Variants in EEF1AKMT4 observed in about 807,000 individuals in gnomAD.
The protein encoded by EEF1AKMT4 is eukaryotic translation elongation factor 1 alpha lysine specific methyltransferase 4.
EEF1AKMT4 carries 17 observed loss-of-function variants against 23.0 expected under a neutral mutation model. The observed-to-expected ratio is 0.74, with a 90% CI of 0.51 to 1.11. EEF1AKMT4 has a LOEUF of 1.11. EEF1AKMT4 is among the 50% of genes least tolerant of loss of function. EEF1AKMT4 has a pLI of 0.00. For synonymous variants in EEF1AKMT4, 140 were observed against 141.4 expected (o/e 0.99, Z 0.07); for missense variants, 318 against 333.4 (o/e 0.95, Z 0.36).
chr3:184,254,586 G>A (rs1334098929), intron 1 of EEF1AKMT4, among the ~76,000 whole-genome samples: 76 of 150,750 alleles, frequency 5.0e-4, no homozygotes, highest in African/African-American at 1.7e-3. Context: ...GGTGGCGGGC[G>A]CCTGTAGTCC....
At chr3:184,251,280 CACA>C (rs955819924) in intron 1 of EEF1AKMT4, among the ~76,000 whole-genome samples, 29 of 152,092 alleles carry the variant, frequency 1.9e-4, no homozygotes, top group African/African-American at 6.5e-4. Flanking sequence ...TGCTTGTAAT[CACA>C]ACACTTTGGG....
At chr3:184,250,647 G>T (rs1205267568) in intron 1 of EEF1AKMT4, among the ~76,000 whole-genome samples, 1 of 152,144 alleles carries the variant, frequency 6.6e-6, no homozygotes, top group Non-Finnish European at 1.5e-5. Flanking sequence ...GCCTTTGTAT[G>T]TTTAAGTGAA....
intron 1 of EEF1AKMT4, among the ~76,000 whole-genome samples, chr3:184,254,900 G>C (rs1261254742): frequency 2.0e-5 from 3 of 152,154 alleles, no homozygotes; most frequent in Non-Finnish European, 2.9e-5. Context: ...CTTGGATATG[G>C]ATCAATTCTC....
At chr3:184,250,701 T>C (rs1367853374) in intron 1 of EEF1AKMT4, among the ~76,000 whole-genome samples, 1 of 152,210 alleles carries the variant, frequency 6.6e-6, no homozygotes, top group Non-Finnish European at 1.5e-5. Flanking sequence ...ATATGTAAGG[T>C]ATAAATAACA....
Position 184,249,842 on chromosome 3 carries a change from G to A in EEF1AKMT4, c.148G>A (p.Ala50Thr), listed in dbSNP as rs376418932. The A allele has an allele frequency of 1.9e-6, 3 of 1,613,174 alleles. No homozygotes were observed. The highest frequency in any genetic ancestry group is 2.5e-6 in the Non-Finnish European group (3 of 1,179,982). Residue 50 changes from alanine (A) to threonine (T), a missense_variant, in exon 1 of 3, where the codon GCC (alanine) becomes ACC (threonine). Coordinates refer to ENST00000324557, the MANE Select transcript of EEF1AKMT4 (RefSeq NM_032331.4). ...DWFGDFSSFRALLEPELRPED... is the reference protein window; with the variant it reads ...DWFGDFSSFRTLLEPELRPED... ...GTTCGGGGACTTCTCCTCCTTCCGT[G>A]CCCTCCTAGAGCCGGAGCTGCGGCC...
intron 2 of EEF1AKMT4, among the ~76,000 whole-genome samples, 200 bp from the exon 3 acceptor site, chr3:184,258,088 C>T (rs1405027559): frequency 6.6e-6 from 1 of 152,112 alleles, no homozygotes; most frequent in Admixed American, 6.5e-5. Context: ...ACTCCTATAC[C>T]CTTCCCTGAA....
chr3:184,250,756 A>G (rs1490511320), intron 1 of EEF1AKMT4, among the ~76,000 whole-genome samples: 1 of 152,272 alleles, frequency 6.6e-6, no homozygotes, highest in African/African-American at 2.4e-5. Context: ...GAAATAGAAC[A>G]TTACTAGGGA....
In EEF1AKMT4 at chr3:184,258,512, C is replaced by T. The variant is rs750347893; in HGVS notation, c.705C>T (p.Pro235=). 1.5e-5 allele frequency: 24 copies of T among 1,612,692 alleles called. No individual in the cohort carries two copies. In the East Asian group the frequency reaches 4.9e-4, roughly 33 times the overall value. ...GAQILSPPRP[P]TSPCFLQDSD... ...AAATCCTCTCACCCCCCAGACCTCC[C>T]ACCTCACCTTGCTTCCTTCAGGACT... is the stretch of plus-strand genomic sequence containing the variant. The change falls in exon 3 of 3, where the codon CCC becomes CCT. Residue 235 remains proline, a synonymous_variant. Coordinates refer to ENST00000324557, the MANE Select transcript of EEF1AKMT4 (RefSeq NM_032331.4).
Position 184,257,620 on chromosome 3 carries a change from G to A in EEF1AKMT4, c.344G>A (p.Arg115Gln), listed in dbSNP as rs148306373. ...PQLRWETMDV[R>Q]KLDFPSASFD... ...CTGCGCTGGGAGACCATGGATGTGC[G>A]GAAGCTGGACTTCCCCAGTGCTTCT... The change falls in exon 2 of 3, where the codon CGG becomes CAG. Residue 115 changes from arginine (R) to glutamine (Q), a missense_variant. By Grantham distance (43) the Arg-to-Gln change is conservative. Transcript: ENST00000324557. The A allele has an allele frequency of 1.8e-4, 297 of 1,614,160 alleles. No homozygotes were observed. The Middle Eastern group carries it at 5.8e-3, about 31-fold the overall frequency.
intron 1 of EEF1AKMT4, among the ~76,000 whole-genome samples, chr3:184,256,272 C>CAGAAAAAAAAAAAAAA (rs1323118764): frequency 1.3e-4 from 7 of 54,184 alleles, no homozygotes; most frequent in African/African-American, 4.6e-4. Flanking sequence ...AACTCCATCT[C>CAGAAAAAAAAAAAAAA]AAAAAAAAAA....
intron 1 of EEF1AKMT4, among the ~76,000 whole-genome samples, chr3:184,256,689 A>G (rs1322973574): frequency 6.7e-6 from 1 of 149,046 alleles, no homozygotes; most frequent in South Asian, 2.1e-4. Flanking sequence ...TCTTTTTTTG[A>G]GACGGAGTTT....
intron 1 of EEF1AKMT4, among the ~76,000 whole-genome samples, chr3:184,255,904 C>T (rs1456544186): frequency 6.6e-6 from 1 of 152,220 alleles, no homozygotes; most frequent in Admixed American, 6.5e-5. Flanking sequence ...TCTGATGACA[C>T]ATTTGTTCCT....
In EEF1AKMT4 at chr3:184,258,313, G is replaced by A. The variant is rs1719904438; in HGVS notation, c.506G>A (p.Gly169Asp). 1.2e-6 allele frequency: 2 copies of A among 1,612,762 alleles called. No homozygotes were observed. Among genetic ancestry groups the A allele is most frequent in the Non-Finnish European group, 8.5e-7 (1 of 1,179,316 alleles). The change falls in exon 3 of 3, where the codon GGC becomes GAC. Residue 169 changes from glycine to aspartate, a missense_variant. Gly to Asp is a moderately conservative substitution (Grantham distance 94). Coordinates refer to ENST00000324557, the MANE Select transcript of EEF1AKMT4 (RefSeq NM_032331.4). ...SEVSRVLVPG[G>D]RFISMTSAAP... ...GTGAGCCGCGTGCTTGTCCCTGGAG[G>A]CCGGTTTATCTCAATGACTTCTGCT...
At chr3:184,256,762 C>T (rs1170432538) in intron 1 of EEF1AKMT4, among the ~76,000 whole-genome samples, 1 of 151,786 alleles carries the variant, frequency 6.6e-6, no homozygotes, top group Non-Finnish European at 1.5e-5. Context: ...TCTCCGCCTC[C>T]CGGGTTCAAG....
chr3:184,258,377 T>C lies in EEF1AKMT4; in HGVS notation c.570T>C (p.Tyr190=), dbSNP rs770818234. 2 of 1,613,898 alleles carry C rather than the reference T, an allele frequency of 1.2e-6. No individual in the cohort carries two copies. Among genetic ancestry groups the C allele is most frequent in the South Asian group, 2.2e-5 (2 of 91,072 alleles). The change falls in exon 3 of 3, where the codon TAT becomes TAC. Residue 190 remains tyrosine (Y), a synonymous_variant. Coordinates refer to ENST00000324557, the MANE Select transcript of EEF1AKMT4 (RefSeq NM_032331.4). The part of the protein sequence containing the change: ...HFRTRHYAQA[Y]YGWSLRHATY... Reference sequence around the variant, plus strand: ...GGACCAGACACTATGCCCAAGCCTATTATGGCTGGTCCCTGAGGCATGCTA... The same window carrying C: ...GGACCAGACACTATGCCCAAGCCTACTATGGCTGGTCCCTGAGGCATGCTA...
chr3:184,257,298 G>A (rs1218325388), intron 1 of EEF1AKMT4, among the ~76,000 whole-genome samples, 175 bp from the exon 2 acceptor site: 1 of 151,814 alleles, frequency 6.6e-6, no homozygotes, highest in Non-Finnish European at 1.5e-5. Flanking sequence ...GCCAGGGTTT[G>A]CACCCAGGCC....
chr3:184,257,966 CAT>C (rs1358029012), intron 2 of EEF1AKMT4, among the ~76,000 whole-genome samples: 1 of 152,100 alleles, frequency 6.6e-6, no homozygotes, highest in East Asian at 1.9e-4. Flanking sequence ...CAAAGGCTGA[CAT>C]GTGGTTACTG....
intron 1 of EEF1AKMT4, among the ~76,000 whole-genome samples, chr3:184,256,070 G>A (rs1719784751): frequency 6.6e-6 from 1 of 151,964 alleles, no homozygotes; most frequent in Non-Finnish European, 1.5e-5. Flanking sequence ...GATCACCTGA[G>A]GTCAGGACCA....
At chr3:184,257,207 CT>C (rs1300989531) in intron 1 of EEF1AKMT4, among the ~76,000 whole-genome samples, 1 of 111,392 alleles carries the variant, frequency 9.0e-6, no homozygotes, top group African/African-American at 3.9e-5. Flanking sequence ...GAGAATTCAT[CT>C]CAAAAAAAAA....
Sources: gnomAD v4.1 joint callset for allele counts (sites outside exome capture counted in the v4.1 genomes callset) on GRCh38, gnomAD v4.1.1 for gene constraint, MANE v1.5 for transcripts, NCBI Gene and HGNC (gene_info 2026-07-23, HGNC 2026-07-21) for gene names.